SNRPN: variants seen among roughly 807,000 people sequenced by gnomAD.
SNRPN encodes the protein small nuclear ribonucleoprotein-associated protein N.
In SNRPN, 7 loss-of-function variants were observed where a neutral mutation model predicts 25.2. That is an observed-to-expected ratio of 0.28 (90% CI 0.16 to 0.52). SNRPN has a LOEUF of 0.52. SNRPN is among the 20% of genes least tolerant of loss of function. SNRPN has a pLI of 0.96. For missense variants in SNRPN, 196 were observed against 322.5 expected, an observed-to-expected ratio of 0.61 and a Z score of 3.00; for synonymous variants, 124 against 110.6, an observed-to-expected ratio of 1.12 and a Z score of -0.76.
Position 24,977,773 on chromosome 15 carries a change from C to T in SNRPN, c.421-5C>T, listed in dbSNP as rs886051019. Reference sequence around the variant, plus strand: ...CTTTGACTGTTTCCCGCCCTGCCTTCTCAGGTAATGACTCCACAGGGAAGA... The same window carrying T: ...CTTTGACTGTTTCCCGCCCTGCCTTTTCAGGTAATGACTCCACAGGGAAGA... On this transcript the variant is annotated splice_polypyrimidine_tract_variant and splice_region_variant and intron_variant, in intron 7 of 9. Transcript: ENST00000390687. The T allele has an allele frequency of 4.4e-6, 7 of 1,589,468 alleles. No individual in the cohort carries two copies. Among genetic ancestry groups the T allele is most frequent in the Middle Eastern group, 1.7e-4 (1 of 5,922 alleles).
chr15:24,896,353 T>C (rs892821926), intron 2 of SNRPN, among the ~76,000 whole-genome samples: 5 of 152,196 alleles, frequency 3.3e-5, no homozygotes, highest in African/African-American at 1.2e-4. Flanking sequence ...GTTTATGCTA[T>C]GTTATATGTC....
chr15:24,876,665 G>T (rs1322871696), intron 1 of SNRPN, among the ~76,000 whole-genome samples: 2 of 151,132 alleles, frequency 1.3e-5, no homozygotes, highest in African/African-American at 2.4e-5. Flanking sequence ...GCATTACTCT[G>T]TTGAAATCCA....
intron 1 of SNRPN, among the ~76,000 whole-genome samples, chr15:24,881,821 CAGT>C (rs1393888746): frequency 1.3e-5 from 2 of 152,098 alleles, no homozygotes; most frequent in African/African-American, 2.4e-5. Context: ...TTTGGTGTAT[CAGT>C]TTTAGGAATG....
intron 1 of SNRPN, among the ~76,000 whole-genome samples, chr15:24,867,443 C>T (rs990610075): frequency 2.7e-5 from 4 of 150,680 alleles, no homozygotes; most frequent in African/African-American, 7.3e-5. Flanking sequence ...GGTGTGATCT[C>T]GGCTCACTGC....
intron 2 of SNRPN, among the ~76,000 whole-genome samples, chr15:24,902,192 C>A (rs1257133796): frequency 6.6e-6 from 1 of 152,116 alleles, no homozygotes; most frequent in African/African-American, 2.4e-5. Context: ...ATTCAGCTTT[C>A]TTCCTGTACT....
intron 2 of SNRPN, among the ~76,000 whole-genome samples, chr15:24,914,187 C>A (rs1490558475): frequency 6.6e-6 from 1 of 152,128 alleles, no homozygotes; most frequent in East Asian, 1.9e-4. Flanking sequence ...CCTGCATCTG[C>A]TTCTTCTTAA....
intron 3 of SNRPN, among the ~76,000 whole-genome samples, chr15:24,969,275 C>G (rs916957929): frequency 6.6e-6 from 1 of 152,074 alleles, no homozygotes; most frequent in African/African-American, 2.4e-5. Flanking sequence ...ATTATAGGCA[C>G]CCACCACCAC....
chr15:24,827,906 G>A (rs887782354), intron 1 of SNRPN, among the ~76,000 whole-genome samples: 2 of 151,076 alleles, frequency 1.3e-5, no homozygotes, highest in Non-Finnish European at 2.9e-5. Context: ...ATGACATTAT[G>A]ATTGCTACAA....
chr15:24,920,668 C>T (rs902101759), intron 3 of SNRPN: 7 of 152,142 alleles, frequency 4.6e-5, no homozygotes, highest in African/African-American at 1.7e-4. Context: ...CACTCAAACC[C>T]CCTCAAGGGC....
At chr15:24,836,627 G>T (rs541709805) in intron 2 of SNRPN, among the ~76,000 whole-genome samples, 6 of 152,032 alleles carry the variant, frequency 3.9e-5, no homozygotes. Context: ...TGGCCAGGCT[G>T]GTCTCAAACT....
chr15:24,925,313 T>G (rs1431903117), intron 3 of SNRPN, among the ~76,000 whole-genome samples: 2 of 152,128 alleles, frequency 1.3e-5, no homozygotes, highest in Non-Finnish European at 2.9e-5. Flanking sequence ...AATTCTTTGA[T>G]TCTCAAAAGT....
At chr15:24,939,788 C>CT (rs775589448) in intron 3 of SNRPN, among the ~76,000 whole-genome samples, 1,631 of 131,102 alleles carry the variant, frequency 0.012, 12 homozygotes, top group Non-Finnish European at 0.017. Context: ...TAGAATTCTT[C>CT]TTTTTTTTTT....
intron 8 of SNRPN, 77 bp from the exon 9 acceptor site, chr15:24,978,116 T>C (rs2153720614): frequency 6.9e-7 from 1 of 1,456,738 alleles, no homozygotes; most frequent in Non-Finnish European, 9.5e-7. Context: ...CCCATTTCTT[T>C]AGGGATTATT....
intron 2 of SNRPN, among the ~76,000 whole-genome samples, chr15:24,842,915 T>C (rs2051829565): frequency 6.6e-6 from 1 of 152,222 alleles, no homozygotes; most frequent in Admixed American, 6.5e-5. Context: ...TCTATCTCCA[T>C]AACTTTGCCT....
At chr15:24,895,811 C>T (rs926872567) in intron 2 of SNRPN, among the ~76,000 whole-genome samples, 1 of 152,164 alleles carries the variant, frequency 6.6e-6, no homozygotes, top group African/African-American at 2.4e-5. Context: ...ATATCCTTTG[C>T]TCCAGGAGAG....
At chr15:24,910,685 G>C (rs1435173711) in intron 2 of SNRPN, among the ~76,000 whole-genome samples, 1 of 152,000 alleles carries the variant, frequency 6.6e-6, no homozygotes, top group Non-Finnish European at 1.5e-5. Flanking sequence ...AGTAGAGATG[G>C]GGTTTCATCA....
At position 24,835,004 on chromosome 15, in the gene SNRPN, A is replaced by G. The variant is rs1358064178; in HGVS notation, c.-579+5099A>G. Reference sequence around the variant, plus strand: ...TATATAAAATAGATATATATAGTATATATATCTATATATAAAATAGATATA... The same window carrying G: ...TATATAAAATAGATATATATAGTATGTATATCTATATATAAAATAGATATA... On this transcript the variant is annotated intron_variant, in intron 2 of 12. Coordinates refer to the SNRPN transcript ENST00000400100. 3.7e-5 allele frequency among the ~76,000 whole-genome samples: 3 copies of G among 80,842 alleles called. 1 individual carries two copies. Among genetic ancestry groups the G allele is most frequent in the Non-Finnish European group, 7.8e-5 (3 of 38,404 alleles). The allele number at this position is 80,842 out of a possible 152,430, so 53.0% of individuals were successfully genotyped here. A position where few individuals can be genotyped will look rare whatever the true frequency, so the allele number is the denominator to read the frequency against.
intron 1 of SNRPN, among the ~76,000 whole-genome samples, chr15:24,859,566 T>C (rs1458909427): frequency 6.6e-6 from 1 of 152,214 alleles, no homozygotes; most frequent in Admixed American, 6.5e-5. Context: ...TGATACTTTA[T>C]GGATATTTTT....
chr15:24,970,189 G>A (rs1257841486), intron 3 of SNRPN, among the ~76,000 whole-genome samples: 1 of 152,156 alleles, frequency 6.6e-6, no homozygotes, highest in African/African-American at 2.4e-5. Flanking sequence ...AGTCTGCTGT[G>A]GAGGAAGATG....
Sources: allele counts gnomAD v4.1 joint callset (sites outside exome capture counted in the v4.1 genomes callset), GRCh38; gene constraint gnomAD v4.1.1; transcripts MANE v1.5; gene names NCBI Gene and HGNC (gene_info 2026-07-23, HGNC 2026-07-21).